SSH1: variants seen among roughly 807,000 people sequenced by gnomAD.
SSH1 encodes slingshot protein phosphatase 1.
In SSH1, 43 loss-of-function variants were observed where a neutral mutation model predicts 79.7. The observed-to-expected ratio is 0.54, with a 90% confidence interval of 0.42 to 0.70. The LOEUF (loss-of-function observed/expected upper bound fraction) is 0.70, where lower values mean the gene tolerates loss of function less well. Ranked by LOEUF, SSH1 falls within the 30% of genes least tolerant of loss-of-function variation. The pLI, the probability that SSH1 is intolerant of heterozygous loss-of-function variation, is 0.00. For synonymous variants in SSH1, 599 were observed against 538.3 expected, an observed-to-expected ratio of 1.11 and a Z score of -1.56; for missense variants, 1,206 against 1,358.8, an observed-to-expected ratio of 0.89 and a Z score of 1.77.
chr12:108,804,930 G>T, intron 10 of SSH1, 126 bp downstream of exon 10: 1 of 1,183,816 alleles, frequency 8.4e-7, no homozygotes, highest in Non-Finnish European at 1.2e-6. Flanking sequence ...CTGCCAGCCA[G>T]GATGGAGGCT....
intron 3 of SSH1, among the ~76,000 whole-genome samples, chr12:108,821,446 T>C (rs1296633315): frequency 6.6e-6 from 1 of 152,068 alleles, no homozygotes; most frequent in Admixed American, 6.6e-5. Flanking sequence ...GGTCTGTTTA[T>C]AGCTGTATTG....
intron 2 of SSH1, among the ~76,000 whole-genome samples, chr12:108,836,546 C>A (rs768624811): frequency 1.3e-5 from 2 of 152,154 alleles, no homozygotes; most frequent in Non-Finnish European, 2.9e-5. Context: ...TCCACAAGGA[C>A]AATTTGAGCA....
At chr12:108,811,118 G>C in intron 6 of SSH1, 142 bp downstream of exon 6, 1 of 795,906 alleles carries the variant, frequency 1.3e-6, no homozygotes. Flanking sequence ...TCTCACTCGA[G>C]GGCAATATGA....
At chr12:108,795,442 A>G (rs976003933) in intron 13 of SSH1, among the ~76,000 whole-genome samples, 3 of 152,062 alleles carry the variant, frequency 2.0e-5, no homozygotes, top group Non-Finnish European at 2.9e-5. Context: ...TTTAGAAGAG[A>G]TGGGGTTTCA....
At chr12:108,793,691 A>G (rs980995685) in intron 13 of SSH1, among the ~76,000 whole-genome samples, 3 of 152,180 alleles carry the variant, frequency 2.0e-5, no homozygotes, top group Admixed American at 1.3e-4. Context: ...CCACTGCACC[A>G]AGCCCTGTAA....
At chr12:108,850,916 T>C (rs1211307587) in intron 2 of SSH1, among the ~76,000 whole-genome samples, 1 of 151,592 alleles carries the variant, frequency 6.6e-6, no homozygotes, top group Non-Finnish European at 1.5e-5. Flanking sequence ...CGCTGTGAGG[T>C]GGGCAAGCCC....
Position 108,784,186 on chromosome 12 carries a change from T to C in SSH1, c.*3802A>G, listed in dbSNP as rs1235674468. 2.0e-5 allele frequency: 3 copies of C among 152,158 alleles called. No homozygotes were observed. Among genetic ancestry groups the C allele is most frequent in the Non-Finnish European group, 4.4e-5 (3 of 68,082 alleles). The allele number at this position is 152,158 out of a possible 1,614,324, so 9.4% of individuals were successfully genotyped here. On this transcript the variant is annotated 3_prime_UTR_variant, in exon 15 of 15. Coordinates refer to ENST00000326495, the MANE Select transcript of SSH1 (RefSeq NM_018984.4). ...GGTCCCCAGGAGAGTGGTAGGGAAA[T>C]TCATCAACCTTCTAGAATGGACTGC...
At chr12:108,806,061 G>T (rs765982864) in intron 9 of SSH1, among the ~76,000 whole-genome samples, 8 of 152,264 alleles carry the variant, frequency 5.3e-5, no homozygotes, top group African/African-American at 1.9e-4. Flanking sequence ...GGCTCACAAA[G>T]GTCAAGAAAT....
chr12:108,846,140 G>A (rs1248911495), intron 2 of SSH1, among the ~76,000 whole-genome samples: 1 of 152,150 alleles, frequency 6.6e-6, no homozygotes, highest in South Asian at 2.1e-4. Context: ...GAGGAGTCAG[G>A]GAGTTCACAG....
intron 2 of SSH1, among the ~76,000 whole-genome samples, chr12:108,848,706 T>C (rs958021350): frequency 6.6e-6 from 1 of 152,050 alleles, no homozygotes; most frequent in African/African-American, 2.4e-5. Context: ...AAAAGGTGAG[T>C]GTGACGTCAA....
chr12:108,826,036 GA>G (rs985174343), intron 2 of SSH1: 29 of 428,122 alleles, frequency 6.8e-5, no homozygotes, highest in African/African-American at 5.4e-4. Context: ...AAGCAGCTGG[GA>G]AAATCTTTTC....
rs2036159812 is a variant in SSH1 at position 108,782,491 on chromosome 12, GA to G, written c.*5496del. 6.6e-6 allele frequency: 1 copy of G among 152,052 alleles called. No individual in the cohort carries two copies. Among genetic ancestry groups the G allele is most frequent in the Admixed American group, 6.5e-5 (1 of 15,272 alleles). The allele number at this position is 152,052 out of a possible 1,614,324, so 9.4% of individuals were successfully genotyped here. A position where few individuals can be genotyped will look rare whatever the true frequency, so the allele number is the denominator to read the frequency against. The stretch of plus-strand genomic sequence containing the variant: ...TACTGACAAAATTAGAAAGAAAACA[GA>G]CTAGTTCCAGGAGGAACTATCATTT... On this transcript the variant is annotated 3_prime_UTR_variant, in exon 15 of 15. Transcript: ENST00000326495.
At chr12:108,802,427 A>G (rs901066152) in intron 10 of SSH1, 59 bp from the exon 11 acceptor site, 8 of 1,537,942 alleles carry the variant, frequency 5.2e-6, no homozygotes, top group Non-Finnish European at 7.2e-6. Context: ...AGAGCTGCTC[A>G]GGGGATGCAT....
At chr12:108,809,979 C>A (rs1014247982) in intron 6 of SSH1, among the ~76,000 whole-genome samples, 3 of 152,134 alleles carry the variant, frequency 2.0e-5, no homozygotes, top group African/African-American at 7.2e-5. Context: ...TAACCCAGCA[C>A]TGCGAGTTCC....
At position 108,779,164 on chromosome 12, in the gene SSH1, A is replaced by C. The variant is rs2136922417; in HGVS notation, c.*8824T>G. 1 of 152,282 alleles carries C rather than the reference A, an allele frequency of 6.6e-6. No individual in the cohort carries two copies. Among genetic ancestry groups the C allele is most frequent in the East Asian group, 1.9e-4 (1 of 5,180 alleles). 9.4% of individuals were successfully genotyped at this position (152,282 alleles called of 1,614,324 possible). On this transcript the variant is annotated 3_prime_UTR_variant, in exon 15 of 15. Coordinates refer to ENST00000326495, the MANE Select transcript of SSH1 (RefSeq NM_018984.4). ...CCTAGGCTGGGAGGTTGCTAATGTA[A>C]ATGCCACACTGTATTTGCTGAAGTG...
chr12:108,846,889 T>C (rs993338829), intron 2 of SSH1, among the ~76,000 whole-genome samples: 2 of 152,010 alleles, frequency 1.3e-5, no homozygotes, highest in African/African-American at 2.4e-5. Context: ...GTGGACCTGA[T>C]TCTAGGCAAG....
chr12:108,812,864 C>CTTTTTTTTTTTTTTTTTTTTTCT (rs11320530), intron 5 of SSH1, among the ~76,000 whole-genome samples: 1 of 137,902 alleles, frequency 7.3e-6, no homozygotes. Context: ...TTTTTCTTTT[C>CTTTTTTTTTTTTTTTTTTTTTCT]TTTTTTTTTT....
rs1338651092 is a variant in SSH1, at chr12:108,789,041, A to G, written c.2097T>C (p.Arg699=). 5.6e-6 allele frequency: 9 copies of G among 1,609,496 alleles called. No individual in the cohort carries two copies. Among genetic ancestry groups the G allele is most frequent in the Non-Finnish European group, 7.6e-6 (9 of 1,176,692 alleles). The change falls in exon 15 of 15, where the codon CGT becomes CGC. Residue 699 remains arginine, a synonymous_variant. Transcript: ENST00000326495. ...GGCCAGAGGCTGGCTTCTCCGGAAC[A>G]CGGGACCTGCTGGCCAAGTGGGCCA... ...SPVAHLASRS[R]VPEKPASGPT...
At chr12:108,825,467 C>T (rs2038277146) in intron 2 of SSH1, among the ~76,000 whole-genome samples, 1 of 152,182 alleles carries the variant, frequency 6.6e-6, no homozygotes, top group Non-Finnish European at 1.5e-5. Context: ...ATAAAGTCCA[C>T]AATAAAATCT....
Sources: gnomAD v4.1 joint callset for allele counts (sites outside exome capture counted in the v4.1 genomes callset) on GRCh38, gnomAD v4.1.1 for gene constraint, MANE v1.5 for transcripts, NCBI Gene and HGNC (gene_info 2026-07-23, HGNC 2026-07-21) for gene names.